LOC128462377: variants seen among roughly 807,000 people sequenced by gnomAD.
chr16:89,368,835 C>G, the LOC128462377 span, among the ~76,000 whole-genome samples: 4,431 of 152,154 alleles, frequency 0.029, 144 homozygotes, highest in African/African-American at 0.074. Flanking sequence ...AGGAGGTTGA[C>G]GCCACAGTGA....
the LOC128462377 span, among the ~76,000 whole-genome samples, chr16:89,329,494 T>A: frequency 6.6e-6 from 1 of 152,216 alleles, no homozygotes; most frequent in Non-Finnish European, 1.5e-5. Context: ...CCCAACGGTA[T>A]ACGTTTCCCA....
At chr16:89,384,879 C>CTTTTTTTTTTT in the LOC128462377 span, among the ~76,000 whole-genome samples, 304 of 49,924 alleles carry the variant, frequency 6.1e-3, 43 homozygotes, top group African/African-American at 0.018. Context: ...AAATAGTTTT[C>CTTTTTTTTTTT]TTTTTTTTTT....
chr16:89,335,544 G>A, the LOC128462377 span, among the ~76,000 whole-genome samples: 1 of 152,202 alleles, frequency 6.6e-6, no homozygotes, highest in Non-Finnish European at 1.5e-5. Flanking sequence ...GAAAGCCTGT[G>A]CGTGCTGCCT....
the LOC128462377 span, among the ~76,000 whole-genome samples, chr16:89,377,609 G>T: frequency 6.6e-6 from 1 of 152,160 alleles, no homozygotes; most frequent in Non-Finnish European, 1.5e-5. Flanking sequence ...CAGGTGACGA[G>T]GAGGAGGTAG....
chr16:89,332,214 T>C, the LOC128462377 span, among the ~76,000 whole-genome samples: 83,776 of 151,998 alleles, frequency 0.55, 23,655 homozygotes, highest in Middle Eastern at 0.7. Context: ...TATTAAAGAA[T>C]CCTCACAATA....
the LOC128462377 span, among the ~76,000 whole-genome samples, chr16:89,337,570 G>A: frequency 6.7e-6 from 1 of 150,172 alleles, no homozygotes; most frequent in African/African-American, 2.4e-5. Context: ...CCGAGTAGCT[G>A]GGACTACAGG....
the LOC128462377 span, among the ~76,000 whole-genome samples, chr16:89,383,266 C>G: frequency 2.0e-5 from 3 of 152,230 alleles, no homozygotes; most frequent in Admixed American, 1.3e-4. Context: ...ATAACCGGCT[C>G]TGCCAGAAGC....
the LOC128462377 span, among the ~76,000 whole-genome samples, chr16:89,326,867 CTGGTGG>C: frequency 1.3e-5 from 2 of 152,244 alleles, no homozygotes; most frequent in East Asian, 1.9e-4. Context: ...CCAGGGGCTG[CTGGTGG>C]CATCCGGGCA....
At chr16:89,396,253 C>A in the LOC128462377 span, among the ~76,000 whole-genome samples, 1 of 152,194 alleles carries the variant, frequency 6.6e-6, no homozygotes, top group African/African-American at 2.4e-5. Flanking sequence ...AGTGGATCCA[C>A]GTCGGGAGAT....
chr16:89,380,361 C>G, the LOC128462377 span, among the ~76,000 whole-genome samples: 1 of 152,284 alleles, frequency 6.6e-6, no homozygotes, highest in Admixed American at 6.5e-5. Flanking sequence ...ATCCACCCAC[C>G]TCGGCCTCCC....
At chr16:89,393,486 G>C in the LOC128462377 span, among the ~76,000 whole-genome samples, 6 of 123,260 alleles carry the variant, frequency 4.9e-5, no homozygotes, top group African/African-American at 1.9e-4. Context: ...ACCATATCCA[G>C]CTGCTTTTTT....
chr16:89,329,005 G>A, the LOC128462377 span: 1 of 150,554 alleles, frequency 6.6e-6, no homozygotes, highest in Admixed American at 6.6e-5. Flanking sequence ...CCAGGCGCAC[G>A]GGCGAATCTG....
chr16:89,317,476 C>T, the LOC128462377 span, among the ~76,000 whole-genome samples: 3,126 of 152,322 alleles, frequency 0.021, 43 homozygotes, highest in Non-Finnish European at 0.035. Context: ...GGTCACAACA[C>T]GCAGCGCAGT....
chr16:89,357,929 A>C, the LOC128462377 span, among the ~76,000 whole-genome samples: 1 of 152,256 alleles, frequency 6.6e-6, no homozygotes, highest in East Asian at 1.9e-4. Context: ...GAAAGTAATG[A>C]AAAGTAGTAA....
chr16:89,344,710 A>G, the LOC128462377 span, among the ~76,000 whole-genome samples: 4 of 152,098 alleles, frequency 2.6e-5, no homozygotes, highest in African/African-American at 9.7e-5. Flanking sequence ...TGGGAAGAAC[A>G]AAGAGCTCCC....
the LOC128462377 span, among the ~76,000 whole-genome samples, chr16:89,402,961 T>C: frequency 3.9e-5 from 6 of 152,090 alleles, no homozygotes; most frequent in African/African-American, 7.2e-5. Context: ...GGAGACCTCT[T>C]TTCCGCCTGG....
the LOC128462377 span, chr16:89,418,257 T>C: frequency 8.8e-5 from 40 of 452,376 alleles, no homozygotes; most frequent in South Asian, 5.6e-4. Context: ...AAAACATAAA[T>C]TGATAGAGAA....
At chr16:89,408,737 T>G in the LOC128462377 span, among the ~76,000 whole-genome samples, 1 of 151,788 alleles carries the variant, frequency 6.6e-6, no homozygotes, top group African/African-American at 2.4e-5. Flanking sequence ...ACTCACTCAC[T>G]TCACTGATCA....
chr16:89,376,032 G>T, the LOC128462377 span, among the ~76,000 whole-genome samples: 1 of 152,186 alleles, frequency 6.6e-6, no homozygotes, highest in Non-Finnish European at 1.5e-5. Context: ...AAAAAGAACA[G>T]GACATCCGTG....
Sources: allele counts gnomAD v4.1 joint callset (sites outside exome capture counted in the v4.1 genomes callset), GRCh38; gene constraint gnomAD v4.1.1; transcripts MANE v1.5.